The following MAPK10 variants were observed in gnomAD, a reference collection of about 807,000 sequenced individuals.
MAPK10 encodes the protein JNK3 alpha protein kinase.
MAPK10 carries 25 observed loss-of-function variants against 59.3 expected under a neutral mutation model. That is an observed-to-expected ratio of 0.42 (90% CI 0.31 to 0.59). The LOEUF (loss-of-function observed/expected upper bound fraction) is 0.59, where lower values mean the gene tolerates loss of function less well. Ranked by LOEUF, MAPK10 falls within the 20% of genes least tolerant of loss-of-function variation. The pLI is 0.15. For missense variants in MAPK10, 351 were observed against 568.9 expected (o/e 0.62, Z 3.90); for synonymous variants, 190 against 200.5 (o/e 0.95, Z 0.44).
intron 2 of MAPK10, among the ~76,000 whole-genome samples, chr4:86,337,770 A>G (rs1036769351): frequency 3.9e-5 from 6 of 152,218 alleles, no homozygotes; most frequent in Non-Finnish European, 8.8e-5. Flanking sequence ...CCAACTGAAT[A>G]TCACCCAGAA....
intron 2 of MAPK10, among the ~76,000 whole-genome samples, chr4:86,280,232 A>G (rs946289227): frequency 6.6e-6 from 1 of 152,176 alleles, no homozygotes; most frequent in Non-Finnish European, 1.5e-5. Context: ...AGAATCTCTA[A>G]AGAATTTAAA....
chr4:86,286,777 A>C (rs1015330778), intron 2 of MAPK10, among the ~76,000 whole-genome samples: 6 of 152,118 alleles, frequency 3.9e-5, no homozygotes, highest in African/African-American at 1.4e-4. Flanking sequence ...TCATCTCTGG[A>C]GCTTGAACAC....
At chr4:86,109,586 T>C (rs1165728705) in intron 4 of MAPK10, among the ~76,000 whole-genome samples, 5 of 152,248 alleles carry the variant, frequency 3.3e-5, no homozygotes. Context: ...TATGACTGCA[T>C]AGTATTTCAT....
chr4:86,247,430 A>C (rs1448613358), intron 2 of MAPK10, among the ~76,000 whole-genome samples: 1 of 152,148 alleles, frequency 6.6e-6, no homozygotes, highest in Non-Finnish European at 1.5e-5. Context: ...TTGAATCTTT[A>C]CTGCTGAGTT....
intron 3 of MAPK10, among the ~76,000 whole-genome samples, chr4:86,167,671 T>C (rs561674490): frequency 7.2e-4 from 109 of 152,270 alleles, no homozygotes; most frequent in Non-Finnish European, 1.4e-3. Flanking sequence ...TCAACATCCC[T>C]TCATGTTAAA....
chr4:86,183,133 C>A (rs1384107573), intron 3 of MAPK10, among the ~76,000 whole-genome samples: 1 of 138,818 alleles, frequency 7.2e-6, no homozygotes, highest in Non-Finnish European at 1.5e-5. Context: ...TTAGTTTTGG[C>A]TGGTTTTTTT....
chr4:86,270,508 T>C (rs554803579), intron 2 of MAPK10, among the ~76,000 whole-genome samples: 1 of 152,220 alleles, frequency 6.6e-6, no homozygotes, highest in East Asian at 1.9e-4. Context: ...AGCGCTATCA[T>C]AGTCTAATGT....
chr4:86,230,064 G>A (rs1191126801), intron 2 of MAPK10, among the ~76,000 whole-genome samples: 1 of 152,114 alleles, frequency 6.6e-6, no homozygotes, highest in Non-Finnish European at 1.5e-5. Context: ...TTGTCTCAAA[G>A]TAAAATGAAA....
chr4:86,313,893 T>G (rs2095720544), intron 2 of MAPK10, among the ~76,000 whole-genome samples: 1 of 152,050 alleles, frequency 6.6e-6, no homozygotes, highest in African/African-American at 2.4e-5. Context: ...GAAAGTCAAG[T>G]GCAAGAACGT....
intron 1 of MAPK10, among the ~76,000 whole-genome samples, chr4:86,471,277 A>C (rs1407733224): frequency 1.3e-5 from 1 of 74,728 alleles, no homozygotes; most frequent in African/African-American, 4.9e-5. Context: ...CCCCCCTGCA[A>C]AAAAAAAAAA....
intron 2 of MAPK10, among the ~76,000 whole-genome samples, chr4:86,211,278 T>C (rs2149353686): frequency 6.6e-6 from 1 of 152,076 alleles, no homozygotes; most frequent in East Asian, 1.9e-4. Context: ...CTAAGACACA[T>C]TAAAATTAAA....
At chr4:86,144,434 A>G (rs578180997) in intron 4 of MAPK10, among the ~76,000 whole-genome samples, 3 of 152,296 alleles carry the variant, frequency 2.0e-5, no homozygotes, top group Admixed American at 6.5e-5. Flanking sequence ...GTTAAAGGAC[A>G]AGTCTTGGAA....
chr4:86,409,204 A>T (rs1744798114), intron 1 of MAPK10, among the ~76,000 whole-genome samples: 1 of 152,152 alleles, frequency 6.6e-6, no homozygotes, highest in South Asian at 2.1e-4. Context: ...CAAAGATCAG[A>T]TGGTTGTAGA....
At chr4:86,499,754 A>C (rs552092578) in intron 1 of MAPK10, among the ~76,000 whole-genome samples, 11 of 152,304 alleles carry the variant, frequency 7.2e-5, no homozygotes, top group Middle Eastern at 3.4e-3. Context: ...TGCATTTGCC[A>C]ATCTCTCCTG....
At chr4:86,207,145 GC>G in intron 2 of MAPK10, among the ~76,000 whole-genome samples, 1 of 151,222 alleles carries the variant, frequency 6.6e-6, no homozygotes, top group African/African-American at 2.4e-5. Flanking sequence ...GAATGGTAAT[GC>G]CTAGGTTTTC....
At chr4:86,483,617 A>G (rs1367420459) in intron 1 of MAPK10, among the ~76,000 whole-genome samples, 1 of 152,078 alleles carries the variant, frequency 6.6e-6, no homozygotes, top group Non-Finnish European at 1.5e-5. Context: ...AACATTGGAC[A>G]ATATTTATCG....
Position 86,237,181 on chromosome 4 carries a change from G to T in MAPK10, c.-6-42774C>A, listed in dbSNP as rs1462302272. On this transcript the variant is annotated intron_variant, in intron 2 of 13. Coordinates refer to ENST00000641462, the MANE Select transcript of MAPK10 (RefSeq NM_138982.4). ...CAGCTTCATCCATGTCCCTGCAAAA[G>T]ACATGATCTCATTCCCTTTTATGGC... Among the ~76,000 whole-genome samples the T allele has an allele frequency of 2.6e-5, 4 of 152,182 alleles. No homozygotes were observed. The East Asian group carries it at 5.8e-4, about 22-fold the overall frequency.
upstream of MAPK10, among the ~76,000 whole-genome samples, chr4:86,456,701 G>T (rs1477068763): frequency 5.3e-5 from 8 of 152,106 alleles, no homozygotes. Flanking sequence ...GAACCAGATG[G>T]ATTCACAGCA....
At chr4:86,278,661 A>T (rs183475644) in intron 2 of MAPK10, among the ~76,000 whole-genome samples, 41 of 152,298 alleles carry the variant, frequency 2.7e-4, no homozygotes, top group Admixed American at 2.6e-3. Flanking sequence ...AAAAATAAAC[A>T]TATAGTCACC....
Sources: allele counts gnomAD v4.1 joint callset (sites outside exome capture counted in the v4.1 genomes callset), GRCh38; gene constraint gnomAD v4.1.1; transcripts MANE v1.5; gene names NCBI Gene and HGNC (gene_info 2026-07-23, HGNC 2026-07-21).